The following CCDC102B variants were observed in gnomAD, a reference collection of about 807,000 sequenced individuals.
CCDC102B encodes coiled-coil domain-containing protein 102B.
CCDC102B carries 75 observed loss-of-function variants against 57.4 expected under a neutral mutation model. That is an observed-to-expected ratio of 1.31 (90% CI 1.08 to 1.58). CCDC102B has a LOEUF of 1.58. CCDC102B is among the 40% of genes most tolerant of loss of function. The probability of loss-of-function intolerance (pLI) is 0.00; values close to 1 mark genes in which losing one functional copy is unlikely to be tolerated. For missense variants in CCDC102B, 636 were observed against 582.6 expected, an observed-to-expected ratio of 1.09 and a Z score of -0.94; for synonymous variants, 206 against 201.9, an observed-to-expected ratio of 1.02 and a Z score of -0.17.
chr18:68,743,246 AATAAAT>A, intron 2 of CCDC102B, among the ~76,000 whole-genome samples: 1 of 97,174 alleles, frequency 1.0e-5, no homozygotes, highest in South Asian at 3.8e-4. Flanking sequence ...TAAATAAATA[AATAAAT>A]AAAAAATTAG....
intron 3 of CCDC102B, among the ~76,000 whole-genome samples, chr18:68,841,686 T>G (rs1287678258): frequency 1.3e-5 from 2 of 152,170 alleles, no homozygotes; most frequent in Non-Finnish European, 2.9e-5. Flanking sequence ...CTGTGTCCTT[T>G]AAGCTGAGCT....
rs149511566 is a variant in CCDC102B at position 68,829,338 on chromosome 18, G to A, written c.-15-7411G>A. 7.7e-3 allele frequency among the ~76,000 whole-genome samples: 1,165 copies of A among 152,058 alleles called. 5 individuals are homozygous for A. Among genetic ancestry groups the A allele is most frequent in the Non-Finnish European group, 0.01 (705 of 67,874 alleles). The stretch of plus-strand genomic sequence containing the variant: ...ATACGCACAGGTATAGCTCATGAAA[G>A]TCTTAAATACATTGTAAAATGTCTG... On this transcript the variant is annotated intron_variant, in intron 1 of 7. Coordinates refer to ENST00000360242, the MANE Select transcript of CCDC102B (RefSeq NM_024781.3).
rs665284 is a variant in CCDC102B, at chr18:68,762,243, A to G, written c.-67+45649A>G. ...TCAGCAAAGACTTAAAAAGAAGGCT[A>G]ACATATCTCTTATAACCACTTTGTC... On this transcript the variant is annotated intron_variant, in intron 2 of 3. Transcript: ENST00000578970. 5.8e-3 allele frequency among the ~76,000 whole-genome samples: 878 copies of G among 152,290 alleles called. 5 individuals carry two copies. Among genetic ancestry groups the G allele is most frequent in the East Asian group, 0.043 (223 of 5,186 alleles).
At chr18:68,875,319 T>G (rs887677974) in intron 5 of CCDC102B, among the ~76,000 whole-genome samples, 1 of 152,182 alleles carries the variant, frequency 6.6e-6, no homozygotes, top group African/African-American at 2.4e-5. Flanking sequence ...CTGAGTGTTT[T>G]TTACTGTTCT....
At chr18:69,041,269 C>T (rs2052427568) in intron 7 of CCDC102B, among the ~76,000 whole-genome samples, 1 of 152,014 alleles carries the variant, frequency 6.6e-6, no homozygotes, top group Non-Finnish European at 1.5e-5. Flanking sequence ...ACTCAGATGT[C>T]CTGTTTTTCA....
At chr18:68,742,893 C>G (rs1055056936) in intron 2 of CCDC102B, among the ~76,000 whole-genome samples, 8 of 152,148 alleles carry the variant, frequency 5.3e-5, no homozygotes, top group Non-Finnish European at 7.3e-5. Flanking sequence ...TTTGTAACAG[C>G]TCTAGCTGTA....
chr18:68,796,308 G>A (rs140434042), upstream of CCDC102B, among the ~76,000 whole-genome samples: 4 of 152,222 alleles, frequency 2.6e-5, no homozygotes, highest in Middle Eastern at 6.8e-3. Flanking sequence ...AAGGAGTCAA[G>A]GATGACTTCC....
chr18:68,835,332 C>T (rs1415876430), intron 1 of CCDC102B, among the ~76,000 whole-genome samples: 1 of 152,014 alleles, frequency 6.6e-6, no homozygotes, highest in Non-Finnish European at 1.5e-5. Flanking sequence ...TCTTCAGTAC[C>T]CCTTAGATTA....
intron 2 of CCDC102B, among the ~76,000 whole-genome samples, chr18:68,743,253 A>G (rs2033475722): frequency 7.1e-6 from 1 of 141,120 alleles, no homozygotes; most frequent in Non-Finnish European, 1.6e-5. Context: ...ATAAATAAAT[A>G]AAAAATTAGA....
intron 2 of CCDC102B, among the ~76,000 whole-genome samples, chr18:68,769,734 C>T (rs2034580274): frequency 6.6e-6 from 1 of 151,984 alleles, no homozygotes; most frequent in South Asian, 2.1e-4. Flanking sequence ...TTCCAATAAT[C>T]TGAAAGTAAT....
At chr18:68,953,919 TA>T (rs995697422) in intron 6 of CCDC102B, among the ~76,000 whole-genome samples, 2 of 152,122 alleles carry the variant, frequency 1.3e-5, no homozygotes, top group East Asian at 3.9e-4. Flanking sequence ...AACATTACAT[TA>T]AAAAAACAGG....
At chr18:68,829,239 A>T (rs977210948) in intron 1 of CCDC102B, among the ~76,000 whole-genome samples, 1 of 152,038 alleles carries the variant, frequency 6.6e-6, no homozygotes, top group African/African-American at 2.4e-5. Context: ...TTAACATATG[A>T]TATCATGCAT....
At chr18:68,886,608 G>A (rs1371990082) in intron 5 of CCDC102B, among the ~76,000 whole-genome samples, 4 of 152,036 alleles carry the variant, frequency 2.6e-5, no homozygotes, top group Middle Eastern at 3.4e-3. Context: ...TTCAAATAAA[G>A]TGAATGCACT....
At chr18:68,915,821 T>A (rs1320220266) in intron 6 of CCDC102B, among the ~76,000 whole-genome samples, 6 of 152,228 alleles carry the variant, frequency 3.9e-5, no homozygotes, top group Non-Finnish European at 5.9e-5. Flanking sequence ...CGGTGTTTAG[T>A]TTTAATAGTT....
At chr18:68,757,513 A>C (rs1169764368) in intron 2 of CCDC102B, among the ~76,000 whole-genome samples, 2 of 152,332 alleles carry the variant, frequency 1.3e-5, no homozygotes, top group South Asian at 4.1e-4. Flanking sequence ...TCTTAAAAAA[A>C]CAGGTAATGC....
rs72955928 is a variant in CCDC102B at position 68,733,608 on chromosome 18, C to G, written c.-67+17014C>G. ...TTTCATAGTGTTTTATTGCAATAAACCCTTATATCAATCAACCTCACGTGT... is the reference window on the plus strand; with the variant it reads ...TTTCATAGTGTTTTATTGCAATAAAGCCTTATATCAATCAACCTCACGTGT... On this transcript the variant is annotated intron_variant, in intron 2 of 3. Coordinates refer to the CCDC102B transcript ENST00000578970. Among the ~76,000 whole-genome samples the G allele has an allele frequency of 1.5e-3, 233 of 150,872 alleles. 2 individuals are homozygous for G. The highest frequency in any genetic ancestry group is 1.4e-3 in the Non-Finnish European group (93 of 67,722).
At chr18:68,760,414 C>T (rs997049562) in intron 2 of CCDC102B, among the ~76,000 whole-genome samples, 1 of 152,050 alleles carries the variant, frequency 6.6e-6, no homozygotes, top group South Asian at 2.1e-4. Flanking sequence ...TAAAAATAAA[C>T]CTGCTCCTAA....
At chr18:68,894,769 G>A (rs1213500429) in intron 5 of CCDC102B, among the ~76,000 whole-genome samples, 5 of 151,372 alleles carry the variant, frequency 3.3e-5, no homozygotes, top group Non-Finnish European at 5.9e-5. Context: ...TCTGCCAATA[G>A]TAAAACATCA....
intron 6 of CCDC102B, among the ~76,000 whole-genome samples, chr18:68,987,172 A>G (rs2050745693): frequency 6.6e-6 from 1 of 152,214 alleles, no homozygotes; most frequent in South Asian, 2.1e-4. Context: ...TTCAAACTAT[A>G]CTATAAGGCT....
Sources: gnomAD v4.1 joint callset for allele counts (sites outside exome capture counted in the v4.1 genomes callset) on GRCh38, gnomAD v4.1.1 for gene constraint, MANE v1.5 for transcripts, NCBI Gene and HGNC (gene_info 2026-07-23, HGNC 2026-07-21) for gene names.